The following ZC3H13 variants were observed in gnomAD, a reference collection of about 807,000 sequenced individuals.
The protein encoded by ZC3H13 is zinc finger CCCH domain-containing protein 13.
In ZC3H13, 64 loss-of-function variants were observed where a neutral mutation model predicts 204.1. The ratio of observed to expected loss-of-function variants is 0.31; its 90% CI spans 0.26 to 0.39. The LOEUF is 0.39. Ranked by LOEUF, ZC3H13 falls within the 10% of genes least tolerant of loss-of-function variation. The probability of loss-of-function intolerance (pLI) is 1.00; values close to 1 mark genes in which losing one functional copy is unlikely to be tolerated. For missense variants in ZC3H13, 1,833 were observed against 2,082.7 expected (o/e 0.88, Z 2.33); for synonymous variants, 667 against 693.7 (o/e 0.96, Z 0.60).
intron 9 of ZC3H13, among the ~76,000 whole-genome samples, chr13:45,987,189 T>C (rs180846537): frequency 6.6e-6 from 1 of 152,260 alleles, no homozygotes; most frequent in African/African-American, 2.4e-5. Context: ...TTTCAGAAAA[T>C]GACATCTAAA....
At chr13:46,049,695 A>C (rs1187919388) in intron 1 of ZC3H13, among the ~76,000 whole-genome samples, 1 of 152,226 alleles carries the variant, frequency 6.6e-6, no homozygotes, top group African/African-American at 2.4e-5. Context: ...TGGGCCCGTA[A>C]AGGAAAATGA....
At chr13:45,983,672 C>T (rs961563993) in intron 10 of ZC3H13, among the ~76,000 whole-genome samples, 11 of 151,310 alleles carry the variant, frequency 7.3e-5, no homozygotes, top group African/African-American at 2.4e-4. Context: ...CGTGATCCGC[C>T]CGCCTCGGCC....
Position 46,052,719 on chromosome 13 carries a change from T to G in ZC3H13, c.-325A>C. On this transcript the variant is annotated 5_prime_UTR_variant, in exon 1 of 19. Coordinates refer to ENST00000679008, the MANE Select transcript of ZC3H13 (RefSeq NM_001330564.2). ...CTACCAGGCCGCTAGGAGGACCGCC[T>G]CAAAATGCCGCCGGAAGTCAGAGGT... 1 of 398,142 alleles carries G rather than the reference T, an allele frequency of 2.5e-6. No homozygotes were observed. Among genetic ancestry groups the G allele is most frequent in the Admixed American group, 4.4e-5 (1 of 22,720 alleles). 24.7% of individuals were successfully genotyped at this position (398,142 alleles called of 1,614,324 possible). A position where few individuals can be genotyped will look rare whatever the true frequency, so the allele number is the denominator to read the frequency against.
At chr13:46,013,230 A>T (rs976099670) in intron 5 of ZC3H13, among the ~76,000 whole-genome samples, 1 of 152,162 alleles carries the variant, frequency 6.6e-6, no homozygotes, top group African/African-American at 2.4e-5. Flanking sequence ...CCTGGCCAAC[A>T]CGGTGAAACC....
chr13:45,971,284 ATTGT>A (rs1324150419), intron 12 of ZC3H13, among the ~76,000 whole-genome samples: 19 of 152,128 alleles, frequency 1.2e-4, no homozygotes, highest in Admixed American at 1.1e-3. Context: ...TTTCACTAAC[ATTGT>A]TTGTTTATAA....
chr13:45,995,377 T>G (rs1264394573), intron 8 of ZC3H13, among the ~76,000 whole-genome samples: 1 of 152,218 alleles, frequency 6.6e-6, no homozygotes, highest in Non-Finnish European at 1.5e-5. Context: ...TCACACCTAC[T>G]AAAGACAGTC....
intron 4 of ZC3H13, among the ~76,000 whole-genome samples, chr13:46,024,797 T>A (rs1398865814): frequency 3.3e-5 from 5 of 152,158 alleles, no homozygotes; most frequent in Non-Finnish European, 7.4e-5. Flanking sequence ...CCCCATGTTT[T>A]TAAACCTTGT....
chr13:46,019,534 T>TCCACCC (rs1464890940), intron 5 of ZC3H13, among the ~76,000 whole-genome samples: 1 of 152,114 alleles, frequency 6.6e-6, no homozygotes, highest in Non-Finnish European at 1.5e-5. Context: ...CATTAAATTG[T>TCCACCC]CCACCCCCAC....
intron 8 of ZC3H13, among the ~76,000 whole-genome samples, chr13:45,998,462 A>G (rs7325456): frequency 0.75 from 113,705 of 151,666 alleles, 43,107 homozygotes; most frequent in African/African-American, 0.85. Context: ...TGACTAACAC[A>G]GTGAAACCCC....
intron 5 of ZC3H13, among the ~76,000 whole-genome samples, chr13:46,017,321 T>C (rs1208011824): frequency 1.3e-5 from 2 of 152,094 alleles, no homozygotes; most frequent in East Asian, 3.9e-4. Flanking sequence ...TAACACTACA[T>C]TGTTTGCCTG....
At position 45,957,039 on chromosome 13, in the gene ZC3H13, C is replaced by G; in HGVS notation, c.*88G>C. On this transcript the variant is annotated 3_prime_UTR_variant, in exon 19 of 19. Coordinates refer to ENST00000679008, the MANE Select transcript of ZC3H13 (RefSeq NM_001330564.2). ...TGATAAATCTTTTCTGCCTTTGTCA[C>G]TAATGCTTGTCAAACCAAAGAACTT... is the stretch of plus-strand genomic sequence containing the variant. 1 of 1,162,314 alleles carries G rather than the reference C, an allele frequency of 8.6e-7. No individual in the cohort carries two copies. The highest frequency in any genetic ancestry group is 1.1e-6 in the Non-Finnish European group (1 of 899,444). The allele number at this position is 1,162,314 out of a possible 1,614,324, so 72.0% of individuals were successfully genotyped here. A position where few individuals can be genotyped will look rare whatever the true frequency, so the allele number is the denominator to read the frequency against.
intron 13 of ZC3H13, 107 bp downstream of exon 13, chr13:45,970,255 C>A (rs776665502): frequency 8.7e-6 from 11 of 1,270,222 alleles, no homozygotes; most frequent in Non-Finnish European, 1.2e-5. Flanking sequence ...CAAAGCAAGA[C>A]AACTTTTTAA....
intron 18 of ZC3H13, among the ~76,000 whole-genome samples, chr13:45,959,264 G>A (rs1014262183): frequency 6.6e-6 from 1 of 152,058 alleles, no homozygotes; most frequent in African/African-American, 2.4e-5. Context: ...AACAGAAATG[G>A]AATATTTTAA....
At chr13:46,021,655 C>T (rs922448268) in intron 4 of ZC3H13, among the ~76,000 whole-genome samples, 2 of 151,672 alleles carry the variant, frequency 1.3e-5, no homozygotes, top group Non-Finnish European at 3.0e-5. Flanking sequence ...GATTTGATTG[C>T]TGGTAAGACA....
At chr13:45,962,340 G>A in intron 17 of ZC3H13, 3 of 985,348 alleles carry the variant, frequency 3.0e-6, no homozygotes, top group Non-Finnish European at 3.6e-6. Flanking sequence ...ATAAGTAAGG[G>A]CCGAACTGTA....
At chr13:45,970,180 A>G (rs1422003552) in intron 13 of ZC3H13, among the ~76,000 whole-genome samples, 182 bp downstream of exon 13, 1 of 152,214 alleles carries the variant, frequency 6.6e-6, no homozygotes, top group African/African-American at 2.4e-5. Flanking sequence ...GCTTTACTAT[A>G]AATAGTAGAA....
chr13:46,049,509 T>C (rs1263564311), intron 1 of ZC3H13, among the ~76,000 whole-genome samples: 3 of 152,196 alleles, frequency 2.0e-5, no homozygotes, highest in African/African-American at 4.8e-5. Context: ...TGAATTTGAA[T>C]AAACAAAATG....
At chr13:46,000,549 C>T (rs138843510) in intron 8 of ZC3H13, among the ~76,000 whole-genome samples, 214 of 152,302 alleles carry the variant, frequency 1.4e-3, no homozygotes, top group African/African-American at 5.0e-3. Flanking sequence ...GAGTTAGGAC[C>T]TTGCTCCAGA....
Position 45,985,354 on chromosome 13 carries a change from T to C in ZC3H13, c.1663A>G (p.Ile555Val), listed in dbSNP as rs758111570. 13 of 1,614,220 alleles carry C rather than the reference T, an allele frequency of 8.1e-6. No homozygotes were observed. The highest frequency in any genetic ancestry group is 8.5e-6 in the Non-Finnish European group (10 of 1,180,030). Residue 555 changes from isoleucine (I) to valine (V), a missense_variant, in exon 10 of 19, where the codon ATT becomes GTT. Ile to Val is a conservative substitution (Grantham distance 29). Coordinates refer to ENST00000679008, the MANE Select transcript of ZC3H13 (RefSeq NM_001330564.2). ...NESRNESRSE[I>V]RNDRMGRSRG... Reference sequence around the variant, plus strand: ...CTTCGGCCCATTCGGTCATTTCTAATTTCACTTCGAGACTCATTTCTGGAC... The same window carrying C: ...CTTCGGCCCATTCGGTCATTTCTAACTTCACTTCGAGACTCATTTCTGGAC...
Sources: allele counts gnomAD v4.1 joint callset (sites outside exome capture counted in the v4.1 genomes callset), GRCh38; gene constraint gnomAD v4.1.1; transcripts MANE v1.5; gene names NCBI Gene and HGNC (gene_info 2026-07-23, HGNC 2026-07-21).